ENTREP2: variants seen among roughly 807,000 people sequenced by gnomAD.
The protein encoded by ENTREP2 is protein ENTREP2.
At chr15:29,253,448 C>T in the ENTREP2 span, among the ~76,000 whole-genome samples, 12 of 88,340 alleles carry the variant, frequency 1.4e-4, no homozygotes, top group African/African-American at 3.5e-4. Flanking sequence ...TATTGTCTCT[C>T]TCTCTTTTTT....
chr15:29,151,990 T>C, the ENTREP2 span: 2 of 650,912 alleles, frequency 3.1e-6, no homozygotes, highest in Admixed American at 2.4e-5. Context: ...GTTTTCCTCA[T>C]AATCAAAATT....
At chr15:29,608,525 A>T in the ENTREP2 span, among the ~76,000 whole-genome samples, 3 of 128,316 alleles carry the variant, frequency 2.3e-5, no homozygotes, top group Admixed American at 1.5e-4. Flanking sequence ...TGCCTTCTTT[A>T]TTATTATTAT....
the ENTREP2 span, among the ~76,000 whole-genome samples, chr15:29,386,790 C>A: frequency 4.6e-5 from 7 of 152,164 alleles, no homozygotes; most frequent in Admixed American, 6.5e-5. Context: ...GCAGACCATT[C>A]AGAGTGCAAG....
At chr15:29,481,750 A>C in the ENTREP2 span, among the ~76,000 whole-genome samples, 1 of 152,170 alleles carries the variant, frequency 6.6e-6, no homozygotes, top group Non-Finnish European at 1.5e-5. Context: ...TTAGTCCTAG[A>C]CACCATTTGC....
the ENTREP2 span, among the ~76,000 whole-genome samples, chr15:29,420,257 G>A: frequency 2.0e-5 from 3 of 152,178 alleles, no homozygotes; most frequent in African/African-American, 7.2e-5. Flanking sequence ...ACACATGCAA[G>A]CTTTCTTAAA....
chr15:29,547,568 C>T, the ENTREP2 span, among the ~76,000 whole-genome samples: 2 of 152,106 alleles, frequency 1.3e-5, no homozygotes, highest in African/African-American at 4.8e-5. Flanking sequence ...TCATTAACAA[C>T]AACAATAACA....
the ENTREP2 span, among the ~76,000 whole-genome samples, chr15:29,162,752 T>C: frequency 1.7e-4 from 25 of 146,624 alleles, no homozygotes; most frequent in Non-Finnish European, 3.1e-4. Context: ...AAAGGACATA[T>C]AATCTTGGGA....
At chr15:29,139,160 C>G in the ENTREP2 span, among the ~76,000 whole-genome samples, 1 of 152,116 alleles carries the variant, frequency 6.6e-6, no homozygotes, top group Admixed American at 6.5e-5. Flanking sequence ...TGAATGGGGT[C>G]AAGCGCTGTG....
At chr15:29,602,462 A>C in the ENTREP2 span, among the ~76,000 whole-genome samples, 2 of 152,216 alleles carry the variant, frequency 1.3e-5, no homozygotes, top group African/African-American at 4.8e-5. Context: ...GGATATAATC[A>C]GAATTCTAAC....
chr15:29,261,921 TA>T, the ENTREP2 span, among the ~76,000 whole-genome samples: 3,533 of 129,678 alleles, frequency 0.027, 158 homozygotes, highest in African/African-American at 0.091. Context: ...ACTCCAGAAA[TA>T]AAAAAAAAAA....
the ENTREP2 span, chr15:29,569,457 T>C: frequency 2.3e-3 from 95 of 41,844 alleles, no homozygotes; most frequent in African/African-American, 4.0e-3. Flanking sequence ...CAAACATTAG[T>C]TTTAAAGGAT....
chr15:29,434,839 C>T, the ENTREP2 span, among the ~76,000 whole-genome samples: 1 of 152,150 alleles, frequency 6.6e-6, no homozygotes, highest in African/African-American at 2.4e-5. Flanking sequence ...TAAAAACTAA[C>T]ATTTCAAAAT....
At chr15:29,407,269 C>T in the ENTREP2 span, among the ~76,000 whole-genome samples, 7 of 152,166 alleles carry the variant, frequency 4.6e-5, no homozygotes, top group African/African-American at 1.7e-4. Context: ...GTATTTAACA[C>T]ATCTCAACAT....
the ENTREP2 span, among the ~76,000 whole-genome samples, chr15:29,385,834 GCCC>G: frequency 1.3e-5 from 2 of 152,028 alleles, no homozygotes; most frequent in African/African-American, 4.8e-5. Context: ...GGCCTCCCAT[GCCC>G]CCCATCCTGT....
chr15:29,125,350 G>A, the ENTREP2 span, among the ~76,000 whole-genome samples: 8 of 152,226 alleles, frequency 5.3e-5, no homozygotes, highest in Admixed American at 3.3e-4. Context: ...AGCTGGCAAT[G>A]GGATGCAGGA....
chr15:29,162,237 G>C, the ENTREP2 span, among the ~76,000 whole-genome samples: 1 of 152,176 alleles, frequency 6.6e-6, no homozygotes, highest in Non-Finnish European at 1.5e-5. Context: ...AGAGGAGCGA[G>C]GGTAAAACTC....
the ENTREP2 span, among the ~76,000 whole-genome samples, chr15:29,224,968 C>T: frequency 2.0e-5 from 3 of 152,322 alleles, no homozygotes; most frequent in East Asian, 5.8e-4. Flanking sequence ...TGGTGAGAAA[C>T]TGAGCACAGC....
the ENTREP2 span, among the ~76,000 whole-genome samples, chr15:29,404,666 T>C: frequency 6.6e-6 from 1 of 151,660 alleles, no homozygotes; most frequent in South Asian, 2.1e-4. Flanking sequence ...TGGGAGAGCC[T>C]GTTCCCTCCC....
At chr15:29,640,809 A>G in the ENTREP2 span, among the ~76,000 whole-genome samples, 2 of 152,228 alleles carry the variant, frequency 1.3e-5, no homozygotes, top group South Asian at 4.1e-4. Flanking sequence ...ACAGAAGCCA[A>G]CACTTTCCAA....
Sources: allele counts gnomAD v4.1 joint callset (sites outside exome capture counted in the v4.1 genomes callset), GRCh38; gene constraint gnomAD v4.1.1; transcripts MANE v1.5; gene names NCBI Gene and HGNC (gene_info 2026-07-23, HGNC 2026-07-21).